The following EPB41 variants were observed in gnomAD, a reference collection of about 807,000 sequenced individuals.
EPB41 encodes erythrocyte membrane protein band 4.1.
In EPB41, 65 loss-of-function variants were observed where a neutral mutation model predicts 108.0. The ratio of observed to expected loss-of-function variants is 0.60; its 90% CI spans 0.49 to 0.74. EPB41 has a LOEUF of 0.74. Ranked by LOEUF, EPB41 falls within the 30% of genes least tolerant of loss-of-function variation. The pLI, the probability that EPB41 is intolerant of heterozygous loss-of-function variation, is 0.00. For missense variants in EPB41, 875 were observed against 1,037.0 expected (o/e 0.84, Z 2.15); for synonymous variants, 336 against 358.9 (o/e 0.94, Z 0.72).
intron 10 of EPB41, among the ~76,000 whole-genome samples, chr1:29,036,570 A>AT (rs1194968053): frequency 6.9e-6 from 1 of 145,858 alleles, no homozygotes; most frequent in South Asian, 2.2e-4. Context: ...CGGAATTTTT[A>AT]TTTTTTTGTT....
chr1:29,042,353 G>A (rs1641837230), intron 11 of EPB41, among the ~76,000 whole-genome samples: 1 of 152,118 alleles, frequency 6.6e-6, no homozygotes, highest in Non-Finnish European at 1.5e-5. Flanking sequence ...GGCATTATGA[G>A]AGCATATGTC....
At chr1:28,960,256 C>T (rs111606212) in intron 1 of EPB41, among the ~76,000 whole-genome samples, 64 of 151,864 alleles carry the variant, frequency 4.2e-4, no homozygotes, top group African/African-American at 1.5e-3. Flanking sequence ...AGTGATCCAC[C>T]CACCTTGGCC....
At chr1:28,889,109 T>A (rs147698412) in intron 1 of EPB41, among the ~76,000 whole-genome samples, 2 of 152,344 alleles carry the variant, frequency 1.3e-5, no homozygotes, top group Non-Finnish European at 2.9e-5. Flanking sequence ...TGCTGTGTGA[T>A]CCTGCATGAG....
chr1:29,001,447 T>C (rs1386346356), intron 4 of EPB41, among the ~76,000 whole-genome samples: 1 of 152,216 alleles, frequency 6.6e-6, no homozygotes, highest in Admixed American at 6.5e-5. Context: ...GGGATGTGCT[T>C]TGCCTCTTTC....
chr1:29,116,328 T>C (rs1156837999), intron 20 of EPB41, among the ~76,000 whole-genome samples: 2 of 152,038 alleles, frequency 1.3e-5, no homozygotes, highest in Non-Finnish European at 2.9e-5. Context: ...TTTGTATTTT[T>C]AGTAGAGACG....
chr1:28,922,503 G>T (rs2093165732), intron 1 of EPB41, among the ~76,000 whole-genome samples: 1 of 151,832 alleles, frequency 6.6e-6, no homozygotes, highest in Admixed American at 6.6e-5. Flanking sequence ...GGCAATCATG[G>T]CTTACTCTAA....
At chr1:28,935,475 C>A (rs550085477) in intron 1 of EPB41, among the ~76,000 whole-genome samples, 11,021 of 39,350 alleles carry the variant, frequency 0.28, 1,545 homozygotes, top group East Asian at 0.48. Context: ...ACACCCCCCC[C>A]CCCCCAAGAT....
chr1:28,941,894 C>CAAAAAAAAAAAAA (rs58524634), intron 1 of EPB41, among the ~76,000 whole-genome samples: 1 of 64,872 alleles, frequency 1.5e-5, no homozygotes, highest in African/African-American at 7.0e-5. Context: ...AGCTCTGTCT[C>CAAAAAAAAAAAAA]AAAAAAAAAA....
intron 16 of EPB41, among the ~76,000 whole-genome samples, chr1:29,086,824 C>T (rs571579773): frequency 6.6e-6 from 1 of 151,676 alleles, no homozygotes; most frequent in Admixed American, 6.6e-5. Flanking sequence ...GATAAAATTA[C>T]TACACAGGTA....
intron 4 of EPB41, among the ~76,000 whole-genome samples, chr1:29,004,378 T>C (rs907096562): frequency 8.5e-5 from 13 of 152,246 alleles, no homozygotes; most frequent in Non-Finnish European, 1.6e-4. Context: ...TAGAGTCAGA[T>C]AATCAGTCTG....
At chr1:28,941,484 T>C (rs1420372578) in intron 1 of EPB41, among the ~76,000 whole-genome samples, 4 of 152,224 alleles carry the variant, frequency 2.6e-5, no homozygotes, top group Non-Finnish European at 4.4e-5. Context: ...AAGAAACGTT[T>C]ACAGTGAATT....
chr1:29,084,972 A>G (rs1658178611), intron 16 of EPB41, among the ~76,000 whole-genome samples: 1 of 152,156 alleles, frequency 6.6e-6, no homozygotes, highest in Admixed American at 6.6e-5. Context: ...AACACCATGT[A>G]GGGACTTCCT....
At chr1:29,088,072 GCCTC>G (rs1183348879) in intron 16 of EPB41, among the ~76,000 whole-genome samples, 5 of 136,486 alleles carry the variant, frequency 3.7e-5, no homozygotes, top group African/African-American at 1.4e-4. Context: ...TTGAGATGGA[GCCTC>G]CCTCCTGTCG....
intron 17 of EPB41, among the ~76,000 whole-genome samples, chr1:29,101,139 G>A (rs908214871): frequency 5.3e-5 from 8 of 151,806 alleles, no homozygotes; most frequent in African/African-American, 9.7e-5. Flanking sequence ...CAGGAGAATC[G>A]CTTGAACCCG....
intron 1 of EPB41, among the ~76,000 whole-genome samples, chr1:28,946,787 A>G (rs2094503284): frequency 6.6e-6 from 1 of 152,212 alleles, no homozygotes; most frequent in South Asian, 2.1e-4. Flanking sequence ...TTAAATATCA[A>G]AGGGCTGCCC....
rs547020491 is a variant in EPB41, at chr1:29,065,316, A to T, written c.2184+158A>T. 1.7e-3 allele frequency: 2,242 copies of T among 1,319,984 alleles called. 16 individuals are homozygous for T. In the African/African-American group the frequency reaches 0.021, roughly 12 times the overall value. 81.8% of individuals were successfully genotyped at this position (1,319,984 alleles called of 1,614,324 possible). A position where few individuals can be genotyped will look rare whatever the true frequency, so the allele number is the denominator to read the frequency against. ...TTAAGGCATTTGTAATCAAATATTT[A>T]TTTTTTTTTAAGTCAGGTAGGCTAC... On this transcript the variant is annotated intron_variant, in intron 16 of 20. Transcript: ENST00000343067.
At chr1:29,105,130 C>T (rs1666712048) in intron 17 of EPB41, among the ~76,000 whole-genome samples, 1 of 152,218 alleles carries the variant, frequency 6.6e-6, no homozygotes, top group Admixed American at 6.5e-5. Context: ...CTGATTTCTA[C>T]CCCTTTAGGC....
At chr1:29,087,841 A>C (rs1402154534) in intron 16 of EPB41, among the ~76,000 whole-genome samples, 1 of 152,204 alleles carries the variant, frequency 6.6e-6, no homozygotes, top group African/African-American at 2.4e-5. Context: ...AAACAAAGAA[A>C]ATACTGAATT....
Position 29,112,942 on chromosome 1 carries a change from G to A in EPB41, c.2496+494G>A, listed in dbSNP as rs999892143. Among the ~76,000 whole-genome samples the A allele has an allele frequency of 3.3e-5, 5 of 152,260 alleles. No homozygotes were observed. In the East Asian group the frequency reaches 9.6e-4, roughly 29 times the overall value. ...CTACCCTTAGAGAGCTGTAACAGCCGAGAAGACACGAGCGGGAGCATAGTA... is the reference window on the plus strand; with the variant it reads ...CTACCCTTAGAGAGCTGTAACAGCCAAGAAGACACGAGCGGGAGCATAGTA... On this transcript the variant is annotated intron_variant, in intron 19 of 20. Transcript: ENST00000343067.
Sources: gnomAD v4.1 joint callset for allele counts (sites outside exome capture counted in the v4.1 genomes callset) on GRCh38, gnomAD v4.1.1 for gene constraint, MANE v1.5 for transcripts, NCBI Gene and HGNC (gene_info 2026-07-23, HGNC 2026-07-21) for gene names.